SHISA9: variants seen among roughly 807,000 people sequenced by gnomAD.
The protein encoded by SHISA9 is protein shisa-9.
A neutral mutation model predicts 38.0 loss-of-function variants in SHISA9; 13 were observed. That is an observed-to-expected ratio of 0.34 (90% CI 0.22 to 0.54). SHISA9 has a LOEUF of 0.54. Among genes scored for constraint, SHISA9 ranks in the 20% least tolerant of loss-of-function variants. The pLI is 0.91. For synonymous variants in SHISA9, 275 were observed against 242.0 expected, an observed-to-expected ratio of 1.14 and a Z score of -1.27; for missense variants, 538 against 575.8, an observed-to-expected ratio of 0.93 and a Z score of 0.67.
At chr16:13,262,319 C>G in the SHISA9 span, among the ~76,000 whole-genome samples, 413 of 152,298 alleles carry the variant, frequency 2.7e-3, 5 homozygotes, top group African/African-American at 9.7e-3. Context: ...AGCTTTCATG[C>G]AACATCCTTA....
At chr16:13,267,025 G>A in the SHISA9 span, among the ~76,000 whole-genome samples, 1 of 152,158 alleles carries the variant, frequency 6.6e-6, no homozygotes, top group African/African-American at 2.4e-5. Flanking sequence ...GATTTATCAA[G>A]TTGCTGAAAA....
intron 2 of SHISA9, among the ~76,000 whole-genome samples, chr16:13,116,961 C>T (rs942377215): frequency 6.6e-6 from 1 of 152,018 alleles, no homozygotes; most frequent in Non-Finnish European, 1.5e-5. Flanking sequence ...TTGTGTGATA[C>T]TGGAAAGGTT....
chr16:12,979,131 C>G (rs762767136), intron 2 of SHISA9, among the ~76,000 whole-genome samples: 8 of 152,186 alleles, frequency 5.3e-5, no homozygotes, highest in Non-Finnish European at 1.0e-4. Context: ...TTGATTGTTC[C>G]CATCGCTCCT....
the SHISA9 span, among the ~76,000 whole-genome samples, chr16:13,385,443 A>C: frequency 6.6e-6 from 1 of 151,878 alleles, no homozygotes; most frequent in Non-Finnish European, 1.5e-5. Flanking sequence ...TATCCATACC[A>C]TGAAATAGTA....
At chr16:13,215,030 G>T (rs1395669645) in intron 4 of SHISA9, among the ~76,000 whole-genome samples, 2 of 152,134 alleles carry the variant, frequency 1.3e-5, no homozygotes, top group Non-Finnish European at 2.9e-5. Flanking sequence ...TAGAGTTGCA[G>T]ACACCCACTG....
the SHISA9 span, among the ~76,000 whole-genome samples, chr16:13,389,800 CG>C: frequency 5.9e-5 from 9 of 152,138 alleles, no homozygotes; most frequent in Non-Finnish European, 1.3e-4. Flanking sequence ...GTGGAGGCTG[CG>C]ATTGTCCTGG....
At chr16:12,985,021 C>T (rs1050149723) in intron 2 of SHISA9, among the ~76,000 whole-genome samples, 2 of 152,144 alleles carry the variant, frequency 1.3e-5, no homozygotes, top group Non-Finnish European at 2.9e-5. Flanking sequence ...CCCTGTCCTG[C>T]CCCTGAACCC....
In SHISA9 at chr16:13,167,072, C is replaced by CTTTTTTTTTTTTTTTTTTTTTTTT. The variant is rs11372669; in HGVS notation, c.692-36305_692-36304insTTTTTTTTTTTTTTTTTTTTTTTT. 1.6e-5 allele frequency among the ~76,000 whole-genome samples: 2 copies of CTTTTTTTTTTTTTTTTTTTTTTTT among 124,430 alleles called. 1 individual carries two copies. 81.6% of individuals were successfully genotyped at this position (124,430 alleles called of 152,430 possible). A position where few individuals can be genotyped will look rare whatever the true frequency, so the allele number is the denominator to read the frequency against. On this transcript the variant is annotated intron_variant, in intron 2 of 4. Coordinates refer to ENST00000558583, the MANE Select transcript of SHISA9 (RefSeq NM_001145204.3). ...CTTCTTCTCTCTCTCTCTCTTTTTT[C>CTTTTTTTTTTTTTTTTTTTTTTTT]TTTTTTTTTTTTTTTTTGAGACAGA...
chr16:13,372,261 A>G, the SHISA9 span, among the ~76,000 whole-genome samples: 2 of 152,212 alleles, frequency 1.3e-5, no homozygotes, highest in African/African-American at 4.8e-5. Flanking sequence ...CAGAGTTATT[A>G]AAGTCCAACA....
At chr16:13,422,039 A>G in the SHISA9 span, among the ~76,000 whole-genome samples, 5 of 152,190 alleles carry the variant, frequency 3.3e-5, no homozygotes, top group African/African-American at 9.7e-5. Flanking sequence ...CTTTGAATGC[A>G]TATACCCAAT....
At chr16:13,057,458 G>A (rs191289092) in intron 2 of SHISA9, among the ~76,000 whole-genome samples, 142 of 152,156 alleles carry the variant, frequency 9.3e-4, no homozygotes, top group African/African-American at 3.2e-3. Flanking sequence ...GCAATGGGGC[G>A]ATCTTGGCTC....
At chr16:12,904,443 T>A (rs1187321678) in intron 1 of SHISA9, among the ~76,000 whole-genome samples, 1 of 152,136 alleles carries the variant, frequency 6.6e-6, no homozygotes, top group African/African-American at 2.4e-5. Flanking sequence ...AGATCAGCCC[T>A]CTTTGATCTG....
At chr16:13,015,143 A>G (rs1415918953) in intron 2 of SHISA9, among the ~76,000 whole-genome samples, 1 of 152,224 alleles carries the variant, frequency 6.6e-6, no homozygotes, top group African/African-American at 2.4e-5. Context: ...CTATGGGCCA[A>G]ATCTGGCCTG....
At chr16:13,093,041 A>AT (rs2073791284) in intron 2 of SHISA9, among the ~76,000 whole-genome samples, 1 of 152,130 alleles carries the variant, frequency 6.6e-6, no homozygotes. Context: ...ACCAAAACCC[A>AT]TTTGTGGAAA....
the SHISA9 span, among the ~76,000 whole-genome samples, chr16:13,533,968 A>G: frequency 6.6e-6 from 1 of 152,082 alleles, no homozygotes; most frequent in African/African-American, 2.4e-5. Context: ...TATTTTTAGT[A>G]GAGACAGGGT....
At chr16:13,201,940 C>T (rs1410435762) in intron 2 of SHISA9, among the ~76,000 whole-genome samples, 1 of 110,192 alleles carries the variant, frequency 9.1e-6, no homozygotes, top group African/African-American at 3.9e-5. Context: ...CAAGGCACCA[C>T]TGGCAACCAC....
chr16:13,032,887 A>G (rs1005041306), intron 2 of SHISA9, among the ~76,000 whole-genome samples: 2 of 152,232 alleles, frequency 1.3e-5, no homozygotes, highest in African/African-American at 4.8e-5. Flanking sequence ...CATAATAGCT[A>G]AGACAAAAAG....
chr16:12,966,294 C>G (rs1236823883), intron 2 of SHISA9, among the ~76,000 whole-genome samples: 1 of 152,160 alleles, frequency 6.6e-6, no homozygotes, highest in Admixed American at 6.5e-5. Flanking sequence ...TAAGACCAAG[C>G]TCCAGTGCTA....
intron 2 of SHISA9, among the ~76,000 whole-genome samples, chr16:13,133,642 G>T (rs1452573699): frequency 2.0e-5 from 3 of 152,140 alleles, no homozygotes; most frequent in African/African-American, 7.2e-5. Flanking sequence ...TGGGTTGGCT[G>T]GTTTCCCCTC....
Sources: allele counts gnomAD v4.1 joint callset (sites outside exome capture counted in the v4.1 genomes callset), GRCh38; gene constraint gnomAD v4.1.1; transcripts MANE v1.5; gene names NCBI Gene and HGNC (gene_info 2026-07-23, HGNC 2026-07-21).